CDH13: variants seen among roughly 807,000 people sequenced by gnomAD.
CDH13 encodes the protein cadherin 13, also known as cadherin-13.
A neutral mutation model predicts 63.8 loss-of-function variants in CDH13; 24 were observed. That is an observed-to-expected ratio of 0.38 (90% CI 0.27 to 0.53). The LOEUF is 0.53. Among genes scored for constraint, CDH13 ranks in the 20% least tolerant of loss-of-function variants. The pLI is 0.85. For missense variants in CDH13, 1,049 were observed against 903.1 expected, an observed-to-expected ratio of 1.16 and a Z score of -2.07; for synonymous variants, 503 against 355.3, an observed-to-expected ratio of 1.42 and a Z score of -4.67.
intron 2 of CDH13, among the ~76,000 whole-genome samples, chr16:82,946,144 A>C (rs1904690636): frequency 6.6e-6 from 1 of 151,826 alleles, no homozygotes; most frequent in South Asian, 2.1e-4. Flanking sequence ...CATGTAGAAC[A>C]TACTAGATTT....
At chr16:82,786,802 G>A (rs571846796) in intron 1 of CDH13, among the ~76,000 whole-genome samples, 228 of 152,054 alleles carry the variant, frequency 1.5e-3, no homozygotes, top group Non-Finnish European at 2.5e-3. Flanking sequence ...ATGGTTTCCA[G>A]CTTCATTCAT....
intron 1 of CDH13, among the ~76,000 whole-genome samples, chr16:82,734,082 T>G (rs2033544940): frequency 6.6e-6 from 1 of 152,128 alleles, no homozygotes; most frequent in Non-Finnish European, 1.5e-5. Context: ...AAGAAAGTGT[T>G]TGAGTTGAGA....
intron 7 of CDH13, among the ~76,000 whole-genome samples, chr16:83,588,158 C>G (rs1241892055): frequency 1.3e-5 from 2 of 152,308 alleles, no homozygotes; most frequent in Admixed American, 1.3e-4. Context: ...CAGCCTCCCT[C>G]TGCATAGACA....
chr16:83,045,028 A>G (rs1917650351), intron 3 of CDH13, among the ~76,000 whole-genome samples: 1 of 152,230 alleles, frequency 6.6e-6, no homozygotes, highest in Non-Finnish European at 1.5e-5. Flanking sequence ...TATAGGGATG[A>G]TAACCTCTTT....
At chr16:83,287,329 G>T (rs1299885852) in intron 5 of CDH13, among the ~76,000 whole-genome samples, 1 of 152,164 alleles carries the variant, frequency 6.6e-6, no homozygotes, top group East Asian at 1.9e-4. Context: ...CGGGCCACAG[G>T]CCAGTACTAG....
chr16:82,638,650 A>C (rs1051692548), intron 1 of CDH13, among the ~76,000 whole-genome samples: 2 of 152,184 alleles, frequency 1.3e-5, no homozygotes, highest in Non-Finnish European at 2.9e-5. Flanking sequence ...GGACATTAAA[A>C]AAAATAAAGT....
chr16:82,952,770 G>C (rs1905477277), intron 2 of CDH13, among the ~76,000 whole-genome samples: 1 of 152,126 alleles, frequency 6.6e-6, no homozygotes, highest in African/African-American at 2.4e-5. Flanking sequence ...CTACTCTCTG[G>C]TGCCACAAGA....
At chr16:83,049,325 C>CTTTTT (rs34082309) in intron 3 of CDH13, among the ~76,000 whole-genome samples, 72 of 126,070 alleles carry the variant, frequency 5.7e-4, no homozygotes, top group African/African-American at 2.1e-3. Flanking sequence ...TGACTGGCCT[C>CTTTTT]TTTTTTTTTT....
intron 5 of CDH13, among the ~76,000 whole-genome samples, chr16:83,341,807 A>G (rs189820735): frequency 6.6e-6 from 1 of 152,266 alleles, no homozygotes; most frequent in African/African-American, 2.4e-5. Context: ...AATTAGTTCC[A>G]ATTAGTTCCA....
intron 1 of CDH13, among the ~76,000 whole-genome samples, chr16:82,675,496 C>G (rs1300216067): frequency 6.6e-6 from 1 of 152,190 alleles, no homozygotes; most frequent in Non-Finnish European, 1.5e-5. Flanking sequence ...GTATTCTCCT[C>G]TGGTAGGAAA....
intron 1 of CDH13, among the ~76,000 whole-genome samples, chr16:82,840,495 C>A (rs529761433): frequency 2.0e-4 from 31 of 151,528 alleles, no homozygotes; most frequent in Non-Finnish European, 4.4e-4. Flanking sequence ...CCAGCCTGAC[C>A]AACATGGTGA....
At chr16:82,633,072 C>T (rs1908214457) in intron 1 of CDH13, among the ~76,000 whole-genome samples, 1 of 152,168 alleles carries the variant, frequency 6.6e-6, no homozygotes, top group Non-Finnish European at 1.5e-5. Context: ...GAAGCTTTTG[C>T]TTGCTCACGG....
intron 1 of CDH13, among the ~76,000 whole-genome samples, chr16:82,627,912 G>T (rs1015419024): frequency 2.0e-5 from 3 of 152,242 alleles, no homozygotes; most frequent in Non-Finnish European, 4.4e-5. Context: ...GAGCGGGAGC[G>T]GAGCGCAGAG....
chr16:82,806,010 C>G (rs904632112), intron 1 of CDH13, among the ~76,000 whole-genome samples: 2 of 152,142 alleles, frequency 1.3e-5, no homozygotes, highest in Non-Finnish European at 2.9e-5. Flanking sequence ...TTTCATTGAG[C>G]TTACAAGGCA....
intron 7 of CDH13, among the ~76,000 whole-genome samples, chr16:83,571,567 A>G (rs1262370229): frequency 6.6e-6 from 1 of 152,154 alleles, no homozygotes; most frequent in Non-Finnish European, 1.5e-5. Context: ...AATGGTGACC[A>G]TACACTTTTA....
intron 1 of CDH13, among the ~76,000 whole-genome samples, chr16:82,697,268 TG>T (rs956667001): frequency 3.2e-4 from 48 of 151,962 alleles, no homozygotes; most frequent in African/African-American, 1.1e-3. Context: ...AGTTTTAAGG[TG>T]GTTTGGGTAA....
intron 6 of CDH13, among the ~76,000 whole-genome samples, chr16:83,461,091 A>G (rs1431851621): frequency 1.3e-5 from 2 of 152,146 alleles, no homozygotes; most frequent in African/African-American, 4.8e-5. Flanking sequence ...AGGAACACAC[A>G]GGAGCTGCAG....
chr16:83,491,525 C>T lies in CDH13; in HGVS notation c.960+4870C>T, dbSNP rs537287988. On this transcript the variant is annotated intron_variant, in intron 7 of 13. Transcript: ENST00000567109. Reference sequence around the variant, plus strand: ...TGCTGGAATCTGCCAGCTTTCTGAACACAGCCACAATTTGCAACTACTCAG... The same window carrying T: ...TGCTGGAATCTGCCAGCTTTCTGAATACAGCCACAATTTGCAACTACTCAG... 3.4e-4 allele frequency among the ~76,000 whole-genome samples: 51 copies of T among 151,092 alleles called. No individual in the cohort carries two copies. In the Middle Eastern group the frequency reaches 0.01, roughly 31 times the overall value.
intron 2 of CDH13, among the ~76,000 whole-genome samples, chr16:82,950,872 G>A (rs1209284592): frequency 6.8e-6 from 1 of 147,382 alleles, no homozygotes; most frequent in African/African-American, 2.5e-5. Context: ...TGAGAGAGTT[G>A]TATGCACATG....
Sources: allele counts gnomAD v4.1 joint callset (sites outside exome capture counted in the v4.1 genomes callset), GRCh38; gene constraint gnomAD v4.1.1; transcripts MANE v1.5; gene names NCBI Gene and HGNC (gene_info 2026-07-23, HGNC 2026-07-21).